The following SIPA1L2 variants were observed in gnomAD, a reference collection of about 807,000 sequenced individuals.
The protein encoded by SIPA1L2 is signal induced proliferation associated 1 like 2.
SIPA1L2 carries 56 observed loss-of-function variants against 163.9 expected under a neutral mutation model. That is an observed-to-expected ratio of 0.34 (90% CI 0.28 to 0.43). The LOEUF (loss-of-function observed/expected upper bound fraction) is 0.43. SIPA1L2 is among the 20% of genes least tolerant of loss of function. SIPA1L2 has a pLI of 1.00. For missense variants in SIPA1L2, 1,974 were observed against 2,193.5 expected (o/e 0.90, Z 2.00); for synonymous variants, 877 against 865.7 (o/e 1.01, Z -0.23).
At chr1:232,458,368 C>G (rs1664045925) in intron 10 of SIPA1L2, among the ~76,000 whole-genome samples, 1 of 152,192 alleles carries the variant, frequency 6.6e-6, no homozygotes, top group South Asian at 2.1e-4. Context: ...GCTGCTGGAA[C>G]TTTTAAATTG....
chr1:232,426,005 T>C (rs1171187662), intron 17 of SIPA1L2, among the ~76,000 whole-genome samples, 197 bp from the exon 18 acceptor site: 1 of 152,186 alleles, frequency 6.6e-6, no homozygotes. Context: ...TTATTAGATT[T>C]TATGTTTTCC....
chr1:232,509,903 C>G (rs143116978), intron 3 of SIPA1L2, among the ~76,000 whole-genome samples: 1 of 152,294 alleles, frequency 6.6e-6, no homozygotes, highest in African/African-American at 2.4e-5. Context: ...CTTCTCGCTC[C>G]TGGTGGCCGC....
At chr1:232,530,671 CCCTGCTT>C (rs1442761547) in intron 2 of SIPA1L2, among the ~76,000 whole-genome samples, 8 of 152,144 alleles carry the variant, frequency 5.3e-5, no homozygotes, top group Non-Finnish European at 1.0e-4. Flanking sequence ...GATGTTTATA[CCCTGCTT>C]CCTGGACTCT....
intron 2 of SIPA1L2, among the ~76,000 whole-genome samples, chr1:232,528,098 A>G (rs867274004): frequency 7.5e-6 from 1 of 132,850 alleles, no homozygotes; most frequent in Non-Finnish European, 1.6e-5. Flanking sequence ...ATATATATAT[A>G]TATAATCAAC....
chr1:232,527,725 C>CT (rs57868657), intron 2 of SIPA1L2, among the ~76,000 whole-genome samples: 46,126 of 81,004 alleles, frequency 0.57, 15,312 homozygotes, highest in Non-Finnish European at 0.68. Context: ...TCTTCTTCTT[C>CT]TTTTTTTTTT....
intron 7 of SIPA1L2, among the ~76,000 whole-genome samples, chr1:232,473,758 T>G (rs1664908149): frequency 6.6e-6 from 1 of 152,164 alleles, no homozygotes; most frequent in Non-Finnish European, 1.5e-5. Flanking sequence ...GGCCACATAA[T>G]GCACTTTGTA....
chr1:232,404,269 A>AGT (rs1202003441), intron 19 of SIPA1L2, 91 bp from the exon 20 acceptor site: 577 of 1,106,912 alleles, frequency 5.2e-4, no homozygotes, highest in Admixed American at 9.5e-4. Context: ...TGTGTGAAGT[A>AGT]GTGTGTGTGT....
chr1:232,431,177 A>G (rs1662216652), intron 16 of SIPA1L2, among the ~76,000 whole-genome samples: 1 of 152,228 alleles, frequency 6.6e-6, no homozygotes, highest in Non-Finnish European at 1.5e-5. Context: ...AAAGGCTTGG[A>G]ATGAATTCCC....
At chr1:232,410,061 T>C (rs1432837438) in intron 19 of SIPA1L2, among the ~76,000 whole-genome samples, 1 of 152,224 alleles carries the variant, frequency 6.6e-6, no homozygotes, top group African/African-American at 2.4e-5. Context: ...CTCCAACATT[T>C]ATCCCTTTTT....
At position 232,403,516 on chromosome 1, in the gene SIPA1L2, C is replaced by T; in HGVS notation, c.4872G>A (p.Leu1624=). The T allele has an allele frequency of 6.2e-7, 1 of 1,614,152 alleles. No homozygotes were observed. The highest frequency in any genetic ancestry group is 2.2e-5 in the East Asian group (1 of 44,880). The change falls in exon 21 of 23, where the codon CTG becomes CTA. Residue 1624 remains leucine (L), a synonymous_variant. Coordinates refer to ENST00000674635, the MANE Select transcript of SIPA1L2 (RefSeq NM_020808.5). ...TLTDMQHGQD[L]EGAQELPLCV... ...ATAAGGGCAGCTCTTGGGCCCCTTC[C>T]AGGTCCTGCCCATGCTGCATATCTG...
intron 2 of SIPA1L2, among the ~76,000 whole-genome samples, chr1:232,528,028 C>T (rs1176346331): frequency 6.8e-6 from 1 of 146,940 alleles, no homozygotes; most frequent in Admixed American, 6.8e-5. Context: ...CTGAGACAAA[C>T]AGAACACCCA....
intron 2 of SIPA1L2, among the ~76,000 whole-genome samples, chr1:232,526,569 C>T (rs537398903): frequency 1.2e-4 from 18 of 152,284 alleles, no homozygotes; most frequent in African/African-American, 3.9e-4. Context: ...CAGTAATGCT[C>T]GCCTGCTGCT....
At chr1:232,612,356 G>T (rs988210631) in intron 1 of SIPA1L2, among the ~76,000 whole-genome samples, 7 of 152,168 alleles carry the variant, frequency 4.6e-5, no homozygotes, top group Non-Finnish European at 8.8e-5. Context: ...CCCCAGAATG[G>T]TAGATCCACC....
chr1:232,521,013 T>C (rs371817476), intron 2 of SIPA1L2, among the ~76,000 whole-genome samples: 3 of 152,314 alleles, frequency 2.0e-5, no homozygotes, highest in South Asian at 4.1e-4. Context: ...TGGTAATAAA[T>C]TGATATACAA....
intron 1 of SIPA1L2, among the ~76,000 whole-genome samples, chr1:232,605,487 G>T (rs79384989): frequency 0.029 from 4,452 of 152,292 alleles, 76 homozygotes; most frequent in Non-Finnish European, 0.034. Flanking sequence ...CTGCGGTCAG[G>T]AATTCAACAC....
rs1212765490 is a variant in SIPA1L2, at chr1:232,441,372, A to AGGT, written c.3558_3560dup (p.Pro1187dup). On this transcript the variant is annotated inframe_insertion, in exon 14 of 23. Transcript: ENST00000674635. Reference sequence around the variant, plus strand: ...CTTTATAGGAACCCAGGACTTTGGAAGGTGGGCCATGCCATTTGGTTTCTG... The same window carrying AGGT: ...CTTTATAGGAACCCAGGACTTTGGAAGGTGGTGGGCCATGCCATTTGGTTTCTG... 1.2e-6 allele frequency: 2 copies of AGGT among 1,600,564 alleles called. No individual in the cohort carries two copies. The highest frequency in any genetic ancestry group is 1.7e-6 in the Non-Finnish European group (2 of 1,177,048).
chr1:232,553,534 T>C (rs1658525570), intron 2 of SIPA1L2, among the ~76,000 whole-genome samples: 1 of 152,180 alleles, frequency 6.6e-6, no homozygotes, highest in East Asian at 1.9e-4. Flanking sequence ...CTGTCTCTTG[T>C]CCATATCACT....
At chr1:232,505,313 T>C (rs993878523) in intron 3 of SIPA1L2, among the ~76,000 whole-genome samples, 8 of 152,238 alleles carry the variant, frequency 5.3e-5, no homozygotes, top group African/African-American at 1.9e-4. Flanking sequence ...ATACAAAGTG[T>C]TTAAACTAAG....
intron 1 of SIPA1L2, among the ~76,000 whole-genome samples, chr1:232,592,051 C>A (rs1660995188): frequency 1.3e-5 from 2 of 151,848 alleles, no homozygotes; most frequent in African/African-American, 4.8e-5. Flanking sequence ...GAAGGGGCTA[C>A]CAGAATAAGA....
Sources: gnomAD v4.1 joint callset for allele counts (sites outside exome capture counted in the v4.1 genomes callset) on GRCh38, gnomAD v4.1.1 for gene constraint, MANE v1.5 for transcripts, NCBI Gene and HGNC (gene_info 2026-07-23, HGNC 2026-07-21) for gene names.